TAFA2: variants seen among roughly 807,000 people sequenced by gnomAD.
TAFA2 encodes the protein TAFA chemokine like family member 2.
TAFA2 carries 7 observed loss-of-function variants against 18.8 expected under a neutral mutation model. The observed-to-expected ratio is 0.37, with a 90% CI of 0.21 to 0.70. The LOEUF (loss-of-function observed/expected upper bound fraction) is 0.70, where lower values mean the gene tolerates loss of function less well. TAFA2 is among the 30% of genes least tolerant of loss of function. TAFA2 has a pLI of 0.53. For missense variants in TAFA2, 122 were observed against 158.1 expected, an observed-to-expected ratio of 0.77 and a Z score of 1.23; for synonymous variants, 60 against 54.2, an observed-to-expected ratio of 1.11 and a Z score of -0.47.
intron 2 of TAFA2, among the ~76,000 whole-genome samples, chr12:61,805,377 A>T (rs967138216): frequency 2.6e-5 from 4 of 152,196 alleles, no homozygotes; most frequent in Admixed American, 6.5e-5. Context: ...CAATTTTTTT[A>T]AATTCAAAAG....
intron 1 of TAFA2, among the ~76,000 whole-genome samples, chr12:61,931,530 G>T (rs780655681): frequency 2.6e-5 from 4 of 152,134 alleles, no homozygotes; most frequent in Non-Finnish European, 5.9e-5. Flanking sequence ...ACCTATCGTG[G>T]AATTTTTATT....
chr12:62,143,048 A>G (rs1461810723), intron 1 of TAFA2, among the ~76,000 whole-genome samples: 1 of 152,196 alleles, frequency 6.6e-6, no homozygotes, highest in African/African-American at 2.4e-5. Context: ...GGATATCACT[A>G]TGCTATACAA....
chr12:62,184,156 A>C (rs889595002), intron 1 of TAFA2, among the ~76,000 whole-genome samples: 2 of 152,152 alleles, frequency 1.3e-5, no homozygotes, highest in Non-Finnish European at 2.9e-5. Flanking sequence ...AATTTTAACC[A>C]CTCAACAAAT....
rs149193240 is a variant in TAFA2, at chr12:62,021,283, AT to A, written c.-1-153858del. On this transcript the variant is annotated intron_variant, in intron 1 of 4. Transcript: ENST00000416284. The stretch of plus-strand genomic sequence containing the variant: ...AAATAAGGAAAGGCTTCTTTTTTTA[AT>A]TTTTTTTATTTTCAAAGGTTTTTGA... Among the ~76,000 whole-genome samples, 537 of 152,040 alleles carry A rather than the reference AT, an allele frequency of 3.5e-3. 2 individuals carry two copies. The highest frequency in any genetic ancestry group is 0.012 in the African/African-American group (495 of 41,470).
At chr12:61,761,041 G>A (rs996732676) in intron 2 of TAFA2, among the ~76,000 whole-genome samples, 1 of 151,906 alleles carries the variant, frequency 6.6e-6, no homozygotes, top group Admixed American at 6.6e-5. Context: ...GCCTTCCAAG[G>A]TTATGGCCCT....
At chr12:61,744,360 A>G (rs530370201) in intron 4 of TAFA2, among the ~76,000 whole-genome samples, 4 of 152,278 alleles carry the variant, frequency 2.6e-5, no homozygotes, top group Admixed American at 6.5e-5. Context: ...GAGGAACTTA[A>G]AAGCACACAT....
At chr12:62,201,932 A>G (rs1229573340) in intron 1 of TAFA2, among the ~76,000 whole-genome samples, 1 of 152,068 alleles carries the variant, frequency 6.6e-6, no homozygotes, top group African/African-American at 2.4e-5. Context: ...TTATTGGTCT[A>G]TTTAGGGATT....
At chr12:61,876,810 A>G (rs971583242) in intron 1 of TAFA2, among the ~76,000 whole-genome samples, 1 of 152,048 alleles carries the variant, frequency 6.6e-6, no homozygotes, top group Non-Finnish European at 1.5e-5. Flanking sequence ...AATCAACTTC[A>G]CTTGAATTCA....
intron 1 of TAFA2, among the ~76,000 whole-genome samples, chr12:62,229,322 T>C (rs2062801884): frequency 6.6e-6 from 1 of 152,172 alleles, no homozygotes; most frequent in Middle Eastern, 3.2e-3. Context: ...TTTCAATTTT[T>C]CCCCATTCAC....
intron 1 of TAFA2, among the ~76,000 whole-genome samples, chr12:62,256,654 A>G (rs2062940545): frequency 6.6e-6 from 1 of 152,242 alleles, no homozygotes; most frequent in Non-Finnish European, 1.5e-5. Flanking sequence ...TCTTTGTAAA[A>G]GGCAGTGTTT....
chr12:62,074,268 G>T (rs1243623822), intron 1 of TAFA2, among the ~76,000 whole-genome samples: 1 of 152,198 alleles, frequency 6.6e-6, no homozygotes, highest in East Asian at 1.9e-4. Flanking sequence ...CAGGCACAGA[G>T]TTTTTCCAGC....
At chr12:61,902,926 C>T (rs374410588) in intron 1 of TAFA2, among the ~76,000 whole-genome samples, 1 of 151,950 alleles carries the variant, frequency 6.6e-6, no homozygotes, top group South Asian at 2.1e-4. Flanking sequence ...TGTGATTTCT[C>T]CCTTTCCCTC....
intron 1 of TAFA2, among the ~76,000 whole-genome samples, chr12:62,141,048 T>C (rs939937125): frequency 6.6e-6 from 1 of 152,338 alleles, no homozygotes; most frequent in Admixed American, 6.5e-5. Context: ...CCTTCTGTTC[T>C]AAGGCAGATT....
At chr12:62,247,546 T>G (rs112093071) in intron 1 of TAFA2, among the ~76,000 whole-genome samples, 9 of 152,186 alleles carry the variant, frequency 5.9e-5, no homozygotes, top group African/African-American at 2.2e-4. Flanking sequence ...AAAACCGCAT[T>G]TTTTTACTTT....
chr12:62,240,691 A>T (rs1448884867), intron 1 of TAFA2, among the ~76,000 whole-genome samples: 1 of 152,196 alleles, frequency 6.6e-6, no homozygotes, highest in Non-Finnish European at 1.5e-5. Flanking sequence ...CATCCATTAT[A>T]GAATACATCC....
intron 1 of TAFA2, among the ~76,000 whole-genome samples, chr12:62,174,753 C>T (rs529783547): frequency 1.3e-5 from 2 of 152,258 alleles, no homozygotes; most frequent in East Asian, 3.9e-4. Context: ...AATCTTTACA[C>T]GGCTCTAAAT....
At chr12:62,058,833 A>G (rs1314464606) in intron 1 of TAFA2, among the ~76,000 whole-genome samples, 4 of 152,124 alleles carry the variant, frequency 2.6e-5, no homozygotes, top group Admixed American at 6.5e-5. Flanking sequence ...TGCGGGTGCA[A>G]TGGCTCACGC....
intron 2 of TAFA2, among the ~76,000 whole-genome samples, chr12:61,849,269 A>G (rs1052943640): frequency 6.6e-6 from 1 of 152,210 alleles, no homozygotes; most frequent in Non-Finnish European, 1.5e-5. Flanking sequence ...CAGAGGTAAT[A>G]TGTTTCACCC....
rs550734860 is a variant in TAFA2, at chr12:61,895,417, C to T, written c.-1-27991G>A. ...ATACACTACCCCTCCCCTAATCTAC[C>T]GACTCACACACTAAAAAAGTGAAAC... On this transcript the variant is annotated intron_variant, in intron 1 of 4. Coordinates refer to ENST00000416284, the MANE Select transcript of TAFA2 (RefSeq NM_178539.5). Among the ~76,000 whole-genome samples the T allele has an allele frequency of 8.5e-5, 13 of 152,132 alleles. No homozygotes were observed. The South Asian group carries it at 1.0e-3, about 12-fold the overall frequency.
Sources: gnomAD v4.1 joint callset for allele counts (sites outside exome capture counted in the v4.1 genomes callset) on GRCh38, gnomAD v4.1.1 for gene constraint, MANE v1.5 for transcripts, NCBI Gene and HGNC (gene_info 2026-07-23, HGNC 2026-07-21) for gene names.